The following CSMD2 variants were observed in gnomAD, a reference collection of about 807,000 sequenced individuals.
CSMD2 encodes the protein CUB and Sushi multiple domains 2.
Under a neutral mutation model 398.5 loss-of-function variants are expected in CSMD2, and 130 were observed. The ratio of observed to expected loss-of-function variants is 0.33; its 90% CI spans 0.28 to 0.38. The LOEUF (loss-of-function observed/expected upper bound fraction) is 0.38, where lower values mean the gene tolerates loss of function less well. CSMD2 is among the 10% of genes least tolerant of loss of function. CSMD2 has a pLI of 1.00. For synonymous variants in CSMD2, 1,828 were observed against 1,908.5 expected (o/e 0.96, Z 1.10); for missense variants, 3,829 against 4,764.9 (o/e 0.80, Z 5.78).
At chr1:33,612,440 A>G (rs1641069039) in intron 40 of CSMD2, among the ~76,000 whole-genome samples, 1 of 152,102 alleles carries the variant, frequency 6.6e-6, no homozygotes, top group Non-Finnish European at 1.5e-5. Flanking sequence ...ATGGTTTTGG[A>G]TTCTTAAATA....
chr1:33,767,465 G>A (rs1650655044), intron 13 of CSMD2, among the ~76,000 whole-genome samples: 1 of 152,156 alleles, frequency 6.6e-6, no homozygotes, highest in South Asian at 2.1e-4. Flanking sequence ...TAGAGTTACA[G>A]CACATTATAT....
intron 2 of CSMD2, among the ~76,000 whole-genome samples, chr1:34,061,361 G>T (rs938532799): frequency 2.6e-5 from 4 of 152,184 alleles, no homozygotes; most frequent in African/African-American, 9.6e-5. Flanking sequence ...GGCTGATCCA[G>T]ACTTTGGATT....
At chr1:33,743,733 G>C (rs1349568339) in intron 13 of CSMD2, 127 bp from the exon 14 acceptor site, 5 of 689,358 alleles carry the variant, frequency 7.3e-6, no homozygotes, top group Non-Finnish European at 1.2e-5. Context: ...ACAAGGGTTG[G>C]GCTGGACTGG....
At chr1:34,142,388 ACCTGGTGCC>A (rs1194975899) in intron 1 of CSMD2, among the ~76,000 whole-genome samples, 2 of 152,160 alleles carry the variant, frequency 1.3e-5, no homozygotes, top group Non-Finnish European at 2.9e-5. Flanking sequence ...TTCAGAAGCC[ACCTGGTGCC>A]CCAGGAGACG....
chr1:33,673,224 A>T (rs1407591169), intron 25 of CSMD2, among the ~76,000 whole-genome samples: 1 of 152,184 alleles, frequency 6.6e-6, no homozygotes. Flanking sequence ...AAAAAATTAG[A>T]CGAATGGCTA....
At chr1:33,791,746 C>T (rs1030038918) in intron 11 of CSMD2, among the ~76,000 whole-genome samples, 1 of 152,188 alleles carries the variant, frequency 6.6e-6, no homozygotes, top group Non-Finnish European at 1.5e-5. Context: ...CCTTGGCCTG[C>T]CAAAGTGCTG....
At chr1:33,647,807 T>A (rs1202022005) in intron 28 of CSMD2, among the ~76,000 whole-genome samples, 1 of 152,196 alleles carries the variant, frequency 6.6e-6, no homozygotes, top group Non-Finnish European at 1.5e-5. Flanking sequence ...TACAAATGGA[T>A]AACTTGTTTC....
intron 25 of CSMD2, among the ~76,000 whole-genome samples, chr1:33,674,923 A>G (rs1168879621): frequency 6.6e-6 from 1 of 152,240 alleles, no homozygotes; most frequent in Non-Finnish European, 1.5e-5. Flanking sequence ...GAACAAAGAC[A>G]CAACATACCA....
At chr1:33,733,593 C>A (rs530012911) in intron 15 of CSMD2, among the ~76,000 whole-genome samples, 55 of 152,214 alleles carry the variant, frequency 3.6e-4, no homozygotes, top group Admixed American at 2.6e-3. Context: ...ATAATCCCTG[C>A]GTGTCAAGGG....
At chr1:33,549,902 A>G (rs1432357440) in intron 56 of CSMD2, among the ~76,000 whole-genome samples, 2 of 152,210 alleles carry the variant, frequency 1.3e-5, no homozygotes, top group East Asian at 1.9e-4. Context: ...GACTCTGGCC[A>G]TAGGTTGACC....
At chr1:34,141,665 G>A (rs1208438999) in intron 1 of CSMD2, among the ~76,000 whole-genome samples, 6 of 141,916 alleles carry the variant, frequency 4.2e-5, no homozygotes, top group African/African-American at 7.5e-5. Flanking sequence ...GATGAGGTCA[G>A]GAAGAAAATG....
At chr1:33,737,966 G>A (rs990213373) in intron 15 of CSMD2, among the ~76,000 whole-genome samples, 8 of 152,060 alleles carry the variant, frequency 5.3e-5, no homozygotes, top group African/African-American at 1.9e-4. Flanking sequence ...AAGGGGAAAA[G>A]TGAATTGCCA....
Position 33,956,930 on chromosome 1 carries a change from C to T in CSMD2, c.518-20976G>A, listed in dbSNP as rs888155726. Among the ~76,000 whole-genome samples the T allele has an allele frequency of 5.3e-5, 8 of 152,134 alleles. No homozygotes were observed. In the East Asian group the frequency reaches 5.8e-4, roughly 11 times the overall value. On this transcript the variant is annotated intron_variant, in intron 3 of 70. Coordinates refer to ENST00000373381, the MANE Select transcript of CSMD2 (RefSeq NM_001281956.2). ...TCCTGTCCTGGACCTGCAGAGTCTC[C>T]GTGGCCAGTCTCTGCTGGTGCCCTT... is the stretch of plus-strand genomic sequence containing the variant.
intron 1 of CSMD2, among the ~76,000 whole-genome samples, chr1:34,114,203 G>T (rs897454207): frequency 3.9e-5 from 6 of 152,154 alleles, no homozygotes; most frequent in African/African-American, 1.4e-4. Context: ...CAAGCTCAGA[G>T]AATATATATC....
At chr1:34,081,455 G>T (rs1488302225) in intron 2 of CSMD2, among the ~76,000 whole-genome samples, 1 of 145,662 alleles carries the variant, frequency 6.9e-6, no homozygotes, top group Non-Finnish European at 1.5e-5. Flanking sequence ...CGCTTTCCAT[G>T]GTCTCTCTCT....
chr1:33,689,644 T>G (rs1645169685), intron 25 of CSMD2, among the ~76,000 whole-genome samples: 1 of 152,216 alleles, frequency 6.6e-6, no homozygotes, highest in South Asian at 2.1e-4. Context: ...AGATCTGCTC[T>G]GCTCTCCTTA....
At chr1:33,592,203 T>C (rs1639506212) in intron 44 of CSMD2, 2 of 573,388 alleles carry the variant, frequency 3.5e-6, no homozygotes, top group Admixed American at 3.0e-5. Flanking sequence ...AGGAAATTTT[T>C]CCACTTCTCA....
At chr1:34,052,512 T>TGTGTGA (rs1185242985) in intron 2 of CSMD2, among the ~76,000 whole-genome samples, 1 of 150,662 alleles carries the variant, frequency 6.6e-6, no homozygotes. Context: ...TGTGTGTGTG[T>TGTGTGA]GTGTGTGTGT....
intron 9 of CSMD2, among the ~76,000 whole-genome samples, chr1:33,816,673 T>G (rs1015757387): frequency 1.6e-4 from 24 of 152,330 alleles, no homozygotes; most frequent in African/African-American, 5.5e-4. Context: ...CTTTGTGTGA[T>G]GAAAATTTTC....
Sources: gnomAD v4.1 joint callset for allele counts (sites outside exome capture counted in the v4.1 genomes callset) on GRCh38, gnomAD v4.1.1 for gene constraint, MANE v1.5 for transcripts, NCBI Gene and HGNC (gene_info 2026-07-23, HGNC 2026-07-21) for gene names.